The following PRKCA variants were observed in gnomAD, a reference collection of about 807,000 sequenced individuals.
PRKCA encodes the protein protein kinase C alpha, also known as protein kinase C alpha type.
PRKCA carries 27 observed loss-of-function variants against 87.0 expected under a neutral mutation model. The ratio of observed to expected loss-of-function variants is 0.31; its 90% CI spans 0.23 to 0.43. The LOEUF is 0.43. Among genes scored for constraint, PRKCA ranks in the 20% least tolerant of loss-of-function variants. The probability of loss-of-function intolerance (pLI) is 1.00; values close to 1 mark genes in which losing one functional copy is unlikely to be tolerated. For missense variants in PRKCA, 518 were observed against 852.3 expected, an observed-to-expected ratio of 0.61 and a Z score of 4.88; for synonymous variants, 329 against 311.1, an observed-to-expected ratio of 1.06 and a Z score of -0.61.
intron 2 of PRKCA, among the ~76,000 whole-genome samples, chr17:66,380,942 TC>T (rs1372562340): frequency 7.0e-6 from 1 of 143,178 alleles, no homozygotes; most frequent in East Asian, 2.1e-4. Flanking sequence ...TTTTTATTTT[TC>T]TTTTTTTTTT....
At chr17:66,766,398 A>G (rs1305478684) in intron 13 of PRKCA, among the ~76,000 whole-genome samples, 1 of 152,002 alleles carries the variant, frequency 6.6e-6, no homozygotes, top group East Asian at 1.9e-4. Flanking sequence ...ATCAGTTTCC[A>G]TCACCCAAGC....
intron 2 of PRKCA, among the ~76,000 whole-genome samples, chr17:66,346,559 A>T (rs1907384194): frequency 6.6e-6 from 1 of 152,084 alleles, no homozygotes; most frequent in Non-Finnish European, 1.5e-5. Flanking sequence ...GGTGGATTTT[A>T]GTATGAAAAC....
Position 66,454,751 on chromosome 17 carries a change from C to T in PRKCA, c.206-41450C>T, listed in dbSNP as rs561892018. 1.8e-4 allele frequency among the ~76,000 whole-genome samples: 28 copies of T among 152,328 alleles called. 1 individual carries two copies. The highest frequency in any genetic ancestry group is 6.5e-4 in the African/African-American group (27 of 41,576). On this transcript the variant is annotated intron_variant, in intron 2 of 16. Coordinates refer to ENST00000413366, the MANE Select transcript of PRKCA (RefSeq NM_002737.3). ...TAATAACTCCCACTGGCTCCCTCCC[C>T]CAATGTGTAGGAATTTACGGGAGGT...
intron 3 of PRKCA, among the ~76,000 whole-genome samples, chr17:66,555,379 C>A (rs1968463899): frequency 6.6e-6 from 1 of 152,196 alleles, no homozygotes; most frequent in African/African-American, 2.4e-5. Context: ...GCAGATCCTT[C>A]ACCACCAAGA....
chr17:66,459,572 T>G (rs931188342), intron 2 of PRKCA, among the ~76,000 whole-genome samples: 1 of 152,218 alleles, frequency 6.6e-6, no homozygotes, highest in Non-Finnish European at 1.5e-5. Flanking sequence ...CCTTGCTCTC[T>G]AAAAGTGCCA....
intron 8 of PRKCA, among the ~76,000 whole-genome samples, chr17:66,696,145 C>T (rs922338420): frequency 5.9e-5 from 9 of 152,248 alleles, no homozygotes; most frequent in East Asian, 3.9e-4. Flanking sequence ...AGGCAGTTTC[C>T]GTGCTGGGCA....
At chr17:66,554,645 A>G in intron 3 of PRKCA, 2 of 628,518 alleles carry the variant, frequency 3.2e-6, no homozygotes, top group Non-Finnish European at 4.0e-6. Context: ...CAAATAAATT[A>G]AATCTATGGA....
At chr17:66,683,640 C>T (rs1162561909) in intron 5 of PRKCA, among the ~76,000 whole-genome samples, 1 of 152,166 alleles carries the variant, frequency 6.6e-6, no homozygotes, top group East Asian at 1.9e-4. Flanking sequence ...CACTGTGTCA[C>T]CCAGGCTGGA....
intron 2 of PRKCA, among the ~76,000 whole-genome samples, chr17:66,334,913 T>C (rs1397490548): frequency 6.6e-6 from 1 of 152,228 alleles, no homozygotes; most frequent in Admixed American, 6.5e-5. Context: ...TGGAATATTA[T>C]TGAGCCTTAA....
chr17:66,390,726 G>A (rs1910313335), intron 2 of PRKCA, among the ~76,000 whole-genome samples: 1 of 152,164 alleles, frequency 6.6e-6, no homozygotes, highest in Admixed American at 6.5e-5. Flanking sequence ...GGACTTCATG[G>A]GCCTCTCCAC....
intron 13 of PRKCA, among the ~76,000 whole-genome samples, chr17:66,764,787 C>G (rs896809403): frequency 2.6e-5 from 4 of 152,232 alleles, no homozygotes; most frequent in Non-Finnish European, 5.9e-5. Flanking sequence ...CAGCCCCTTG[C>G]CTGGGGCTTC....
intron 3 of PRKCA, among the ~76,000 whole-genome samples, chr17:66,613,775 C>G (rs76509472): frequency 0.015 from 1,761 of 117,558 alleles, 30 homozygotes; most frequent in Non-Finnish European, 0.022. Context: ...AGTATGACTT[C>G]ATCCTTTTTT....
chr17:66,462,103 G>A (rs1914881177), intron 2 of PRKCA, among the ~76,000 whole-genome samples: 2 of 152,142 alleles, frequency 1.3e-5, no homozygotes, highest in South Asian at 2.1e-4. Context: ...TTTAAACGTC[G>A]GGTCTGCTTC....
intron 12 of PRKCA, among the ~76,000 whole-genome samples, chr17:66,742,049 CAGA>C (rs1192199277): frequency 6.6e-6 from 1 of 152,140 alleles, no homozygotes; most frequent in Admixed American, 6.5e-5. Context: ...AGATGTTCAG[CAGA>C]AGAAGAACAC....
intron 3 of PRKCA, among the ~76,000 whole-genome samples, chr17:66,604,495 G>A (rs188591049): frequency 6.6e-6 from 1 of 152,340 alleles, no homozygotes; most frequent in Admixed American, 6.5e-5. Flanking sequence ...TGGAAACCAA[G>A]TGCTGGATGA....
intron 16 of PRKCA, among the ~76,000 whole-genome samples, chr17:66,799,334 ATGG>A (rs1193535780): frequency 2.8e-3 from 3 of 1,082 alleles, no homozygotes; most frequent in Admixed American, 0.013. Flanking sequence ...GGTGGTGGTG[ATGG>A]TGGTGGTGGT....
At chr17:66,656,301 G>A (rs1971732838) in intron 5 of PRKCA, among the ~76,000 whole-genome samples, 1 of 152,174 alleles carries the variant, frequency 6.6e-6, no homozygotes, top group Non-Finnish European at 1.5e-5. Flanking sequence ...TGACTTCAGT[G>A]ACTGCTGCCA....
rs771526151 is a variant in PRKCA at position 66,803,824 on chromosome 17, G to C, written c.1855-49G>C. On this transcript the variant is annotated intron_variant, in intron 16 of 16. Coordinates refer to ENST00000413366, the MANE Select transcript of PRKCA (RefSeq NM_002737.3). This position sits in a 1 kb window ranked among gnomAD's most constrained non-coding sequence, Gnocchi z 4.4. ...AGAGGGCCCTCGGAGAGCTGCTCCC[G>C]CATTGTCATGTTGACTGACCTTTCC... is the stretch of plus-strand genomic sequence containing the variant. 1 of 1,595,492 alleles carries C rather than the reference G, an allele frequency of 6.3e-7. No individual in the cohort carries two copies. Among genetic ancestry groups the C allele is most frequent in the South Asian group, 1.1e-5 (1 of 89,334 alleles).
At chr17:66,309,434 A>G (rs1354104792) in intron 2 of PRKCA, among the ~76,000 whole-genome samples, 1 of 152,150 alleles carries the variant, frequency 6.6e-6, no homozygotes, top group African/African-American at 2.4e-5. Flanking sequence ...TGTTCCCTTC[A>G]TGGACTCTGT....
Sources: gnomAD v4.1 joint callset for allele counts (sites outside exome capture counted in the v4.1 genomes callset) on GRCh38, gnomAD v4.1.1 for gene constraint, Gnocchi (gnomAD v3.1) non-coding constraint, MANE v1.5 for transcripts, NCBI Gene and HGNC (gene_info 2026-07-23, HGNC 2026-07-21) for gene names.